ZNF423: variants seen among roughly 807,000 people sequenced by gnomAD.
ZNF423 encodes zinc finger protein 423, also known as Ebf-associated zinc finger protein.
ZNF423 carries 12 observed loss-of-function variants against 95.8 expected under a neutral mutation model. The observed-to-expected ratio is 0.13, with a 90% CI of 0.08 to 0.20. ZNF423 has a LOEUF of 0.20. ZNF423 is among the 10% of genes least tolerant of loss of function. The pLI, the probability that ZNF423 is intolerant of heterozygous loss-of-function variation, is 1.00. For synonymous variants in ZNF423, 749 were observed against 711.9 expected (o/e 1.05, Z -0.83); for missense variants, 1,316 against 1,737.1 (o/e 0.76, Z 4.31).
intron 3 of ZNF423, among the ~76,000 whole-genome samples, chr16:49,710,913 T>C (rs1426288252): frequency 6.6e-6 from 1 of 152,112 alleles, no homozygotes; most frequent in African/African-American, 2.4e-5. Context: ...CTTGGGGACA[T>C]GGGGCTCAGA....
At chr16:49,525,560 G>C in intron 5 of ZNF423, 66 bp from the exon 6 acceptor site, 2 of 1,601,944 alleles carry the variant, frequency 1.2e-6, no homozygotes, top group Non-Finnish European at 1.7e-6. Flanking sequence ...GTGCTCACAA[G>C]GCCTCCCATA....
chr16:49,779,671 T>G (rs2034177175), intron 2 of ZNF423, among the ~76,000 whole-genome samples: 1 of 152,068 alleles, frequency 6.6e-6, no homozygotes. Flanking sequence ...CAGACATGCC[T>G]GACTGTTTAC....
chr16:49,602,596 T>G (rs1041765342), intron 5 of ZNF423, among the ~76,000 whole-genome samples: 1 of 152,166 alleles, frequency 6.6e-6, no homozygotes, highest in South Asian at 2.1e-4. Context: ...AAGTGCCTTC[T>G]GCCCAGGAAA....
chr16:49,664,944 A>C (rs2030463480), intron 3 of ZNF423, among the ~76,000 whole-genome samples: 1 of 152,242 alleles, frequency 6.6e-6, no homozygotes, highest in Non-Finnish European at 1.5e-5. Context: ...TGTACTCCCA[A>C]GGCCTGCTTG....
intron 3 of ZNF423, among the ~76,000 whole-genome samples, chr16:49,650,877 T>G (rs1418569518): frequency 6.6e-6 from 1 of 152,224 alleles, no homozygotes; most frequent in Non-Finnish European, 1.5e-5. Flanking sequence ...TCATAGGTCA[T>G]CATGGCTGTC....
At chr16:49,675,138 G>A (rs576135740) in intron 3 of ZNF423, among the ~76,000 whole-genome samples, 1 of 152,254 alleles carries the variant, frequency 6.6e-6, no homozygotes, top group East Asian at 1.9e-4. Flanking sequence ...ATTTATAGCT[G>A]GTCTACTAAC....
rs1380551407 is a variant in ZNF423, at chr16:49,636,201, C to A, written c.2975G>T (p.Ser992Ile). 3 of 1,613,458 alleles carry A rather than the reference C, an allele frequency of 1.9e-6. No homozygotes were observed. ...LTEHKVTHSKSLDTGTCRICK... is the reference protein window; with the variant it reads ...LTEHKVTHSKILDTGTCRICK... ...GATGCGACAGGTGCCCGTGTCCAGGCTCTTGCTGTGGGTCACCTTGTGTTC... is the reference window on the plus strand; with the variant it reads ...GATGCGACAGGTGCCCGTGTCCAGGATCTTGCTGTGGGTCACCTTGTGTTC... Residue 992 changes from serine (S) to isoleucine (I), a missense_variant, in exon 4 of 8, where the codon AGC becomes ATC. Ser to Ile is a moderately radical substitution (Grantham distance 142, BLOSUM62 -2). Coordinates refer to ENST00000563137, the MANE Select transcript of ZNF423 (RefSeq NM_001379286.1). The surrounding 1 kb of genome is among the most constrained non-coding windows in gnomAD (Gnocchi z 8.6).
rs1252292023 is a variant in ZNF423 at position 49,796,443 on chromosome 16, G to A, written c.41-6897C>T. On this transcript the variant is annotated intron_variant, in intron 1 of 7. Coordinates refer to ENST00000563137, the MANE Select transcript of ZNF423 (RefSeq NM_001379286.1). ...GAGGCAGAAGAGATGGAGCTGGAGA[G>A]GGAAACAGAAAGGGAAGGTGAAAGC... Among the ~76,000 whole-genome samples the A allele has an allele frequency of 3.3e-5, 5 of 152,226 alleles. No individual in the cohort carries two copies. The South Asian group carries it at 1.0e-3, about 31-fold the overall frequency.
rs1966893524 is a variant in ZNF423, at chr16:49,489,626, TAGA to T, written c.*1646_*1648del. On this transcript the variant is annotated 3_prime_UTR_variant, in exon 8 of 8. Coordinates refer to ENST00000563137, the MANE Select transcript of ZNF423 (RefSeq NM_001379286.1). ...GAAGCCCCTTGATATGGGAGTCTTC[TAGA>T]AGATGATGGGTATAATTGCTCCAAA... is the stretch of plus-strand genomic sequence containing the variant. 6.6e-6 allele frequency: 1 copy of T among 152,276 alleles called. No homozygotes were observed. Among genetic ancestry groups the T allele is most frequent in the Admixed American group, 6.5e-5 (1 of 15,292 alleles). The allele number at this position is 152,276 out of a possible 1,614,324, so 9.4% of individuals were successfully genotyped here. A position where few individuals can be genotyped will look rare whatever the true frequency, so the allele number is the denominator to read the frequency against.
At chr16:49,701,544 G>A (rs954126665) in intron 3 of ZNF423, among the ~76,000 whole-genome samples, 3 of 152,098 alleles carry the variant, frequency 2.0e-5, no homozygotes, top group Non-Finnish European at 4.4e-5. Flanking sequence ...ATAATGAGAC[G>A]GCAGCGCGCT....
chr16:49,620,043 G>A (rs1972006356), intron 5 of ZNF423, among the ~76,000 whole-genome samples: 1 of 151,876 alleles, frequency 6.6e-6, no homozygotes, highest in South Asian at 2.1e-4. Flanking sequence ...AAGGTGGTTT[G>A]AAAGTATCTC....
chr16:49,650,498 C>T (rs1973358059), intron 3 of ZNF423, among the ~76,000 whole-genome samples: 1 of 152,212 alleles, frequency 6.6e-6, no homozygotes, highest in Non-Finnish European at 1.5e-5. Flanking sequence ...ATCTACAGGG[C>T]ATTTAACATT....
In ZNF423 at chr16:49,679,879, C is replaced by T. The variant is rs959656133; in HGVS notation, c.302-41005G>A. 7.9e-5 allele frequency among the ~76,000 whole-genome samples: 12 copies of T among 152,348 alleles called. No individual in the cohort carries two copies. The South Asian group carries it at 1.0e-3, about 13-fold the overall frequency. On this transcript the variant is annotated intron_variant, in intron 3 of 7. Coordinates refer to ENST00000563137, the MANE Select transcript of ZNF423 (RefSeq NM_001379286.1). ...GGGACCACCCAAGGATCAATCAGTA[C>T]GCACTTCCTCCCTTCTGAAGCCCAT...
At chr16:49,630,432 A>G (rs1972457494) in intron 4 of ZNF423, among the ~76,000 whole-genome samples, 1 of 152,178 alleles carries the variant, frequency 6.6e-6, no homozygotes, top group Non-Finnish European at 1.5e-5. Flanking sequence ...GAGTGAATTA[A>G]TGAATGAAGC....
intron 5 of ZNF423, among the ~76,000 whole-genome samples, chr16:49,586,185 G>T (rs1460630806): frequency 6.6e-6 from 1 of 152,102 alleles, no homozygotes; most frequent in Non-Finnish European, 1.5e-5. Context: ...CCGAGGTGAG[G>T]CCCAGCAGAC....
intron 1 of ZNF423, among the ~76,000 whole-genome samples, chr16:49,798,324 A>G (rs544343452): frequency 5.1e-4 from 78 of 152,308 alleles, no homozygotes; most frequent in Middle Eastern, 3.4e-3. Context: ...CCTGGCCAAC[A>G]TAATGAAACC....
chr16:49,721,502 C>T (rs1238818140), intron 3 of ZNF423, among the ~76,000 whole-genome samples: 1 of 152,056 alleles, frequency 6.6e-6, no homozygotes, highest in Non-Finnish European at 1.5e-5. Flanking sequence ...ACATCCTGGG[C>T]CCAGGAGGAC....
Position 49,603,868 on chromosome 16 carries a change from A to G in ZNF423, c.3601+22302T>C, listed in dbSNP as rs1971454381. Among the ~76,000 whole-genome samples the G allele has an allele frequency of 6.6e-6, 1 of 152,092 alleles. No homozygotes were observed. The highest frequency in any genetic ancestry group is 1.5e-5 in the Non-Finnish European group (1 of 68,010). On this transcript the variant is annotated intron_variant, in intron 5 of 7. Coordinates refer to ENST00000563137, the MANE Select transcript of ZNF423 (RefSeq NM_001379286.1). This position sits in a 1 kb window ranked among gnomAD's most constrained non-coding sequence, Gnocchi z 4.1. ...AAGAAAATAGCCTCCCTCCTTCCTC[A>G]TCCTCCAAGCAGTCCCCTTGTGGCT... is the stretch of plus-strand genomic sequence containing the variant.
At chr16:49,555,470 T>C (rs1054586582) in intron 5 of ZNF423, among the ~76,000 whole-genome samples, 4 of 152,262 alleles carry the variant, frequency 2.6e-5, no homozygotes, top group African/African-American at 9.6e-5. Flanking sequence ...TGCTATTTTT[T>C]CCCATTTTGT....
Sources: allele counts gnomAD v4.1 joint callset (sites outside exome capture counted in the v4.1 genomes callset), GRCh38; gene constraint gnomAD v4.1.1; non-coding constraint Gnocchi (gnomAD v3.1); transcripts MANE v1.5; gene names NCBI Gene and HGNC (gene_info 2026-07-23, HGNC 2026-07-21).